TPH2: variants seen among roughly 807,000 people sequenced by gnomAD.
The protein encoded by TPH2 is tryptophan hydroxylase 2, also known as tryptophan 5-hydroxylase 2.
A neutral mutation model predicts 59.1 loss-of-function variants in TPH2; 27 were observed. That is an observed-to-expected ratio of 0.46 (90% CI 0.34 to 0.63). The LOEUF (loss-of-function observed/expected upper bound fraction) is 0.63. Among genes scored for constraint, TPH2 ranks in the 30% least tolerant of loss-of-function variants. The pLI, the probability that TPH2 is intolerant of heterozygous loss-of-function variation, is 0.01. For synonymous variants in TPH2, 220 were observed against 210.5 expected, an observed-to-expected ratio of 1.05 and a Z score of -0.39; for missense variants, 523 against 588.3, an observed-to-expected ratio of 0.89 and a Z score of 1.15.
intron 9 of TPH2, among the ~76,000 whole-genome samples, chr12:72,027,843 T>C (rs1007277671): frequency 6.6e-6 from 1 of 152,040 alleles, no homozygotes; most frequent in South Asian, 2.1e-4. Context: ...GAGGTAAAGG[T>C]GGTGTGAGTG....
At position 71,993,910 on chromosome 12, in the gene TPH2, T is replaced by C. The variant is rs569478953; in HGVS notation, c.942-529T>C. Among the ~76,000 whole-genome samples the C allele has an allele frequency of 3.3e-5, 5 of 152,322 alleles. No individual in the cohort carries two copies. In the East Asian group the frequency reaches 9.6e-4, roughly 29 times the overall value. On this transcript the variant is annotated intron_variant, in intron 7 of 10. Transcript: ENST00000333850. ...TTTCTGTAAAGGGCCAGCTAGTTAA[T>C]TATTTTAGCCCTATGATCTCAGTCA...
intron 6 of TPH2, among the ~76,000 whole-genome samples, chr12:71,975,339 T>C (rs1326878983): frequency 6.6e-6 from 1 of 152,148 alleles, no homozygotes; most frequent in Non-Finnish European, 1.5e-5. Flanking sequence ...AGTGGGACTC[T>C]GTCTCAAAAC....
intron 5 of TPH2, among the ~76,000 whole-genome samples, chr12:71,969,991 C>T (rs182938497): frequency 6.6e-6 from 1 of 152,282 alleles, no homozygotes; most frequent in Non-Finnish European, 1.5e-5. Flanking sequence ...ATGCCTGGCA[C>T]ATAGTAAGCT....
intron 5 of TPH2, among the ~76,000 whole-genome samples, chr12:71,968,207 C>T (rs1053998690): frequency 6.6e-6 from 1 of 152,224 alleles, no homozygotes; most frequent in Non-Finnish European, 1.5e-5. Flanking sequence ...ACCACTCCCT[C>T]ACCTCCACAG....
At position 71,942,918 on chromosome 12, in the gene TPH2, G is replaced by A. The variant is rs112351991; in HGVS notation, c.255+1185G>A. Among the ~76,000 whole-genome samples the A allele has an allele frequency of 6.3e-3, 954 of 152,292 alleles. 12 individuals carry two copies. Among genetic ancestry groups the A allele is most frequent in the Non-Finnish European group, 7.9e-3 (539 of 68,032 alleles). On this transcript the variant is annotated intron_variant, in intron 2 of 10. Coordinates refer to ENST00000333850, the MANE Select transcript of TPH2 (RefSeq NM_173353.4). Reference sequence around the variant, plus strand: ...GGCCAATTCAATTAGACAGCTGGGTGCAGTGGATAAATTCCTGGAGAAGGA... The same window carrying A: ...GGCCAATTCAATTAGACAGCTGGGTACAGTGGATAAATTCCTGGAGAAGGA...
chr12:71,964,714 C>T (rs984023970), intron 5 of TPH2: 122 of 985,198 alleles, frequency 1.2e-4, no homozygotes, highest in Non-Finnish European at 1.1e-4. Flanking sequence ...CCTGGTGTGA[C>T]ACCTCAGTTG....
At chr12:71,942,135 CTG>C (rs1453970352) in intron 2 of TPH2, among the ~76,000 whole-genome samples, 1 of 152,298 alleles carries the variant, frequency 6.6e-6, no homozygotes, top group East Asian at 1.9e-4. Flanking sequence ...TTATGAAAAA[CTG>C]AGATACATGA....
At chr12:71,999,795 C>T (rs10879350) in intron 8 of TPH2, among the ~76,000 whole-genome samples, 45,089 of 152,076 alleles carry the variant, frequency 0.3, 6,930 homozygotes, top group East Asian at 0.49. Context: ...TGAAACAGAA[C>T]TACAAGGCTC....
At chr12:71,943,226 A>G (rs1871120257) in intron 2 of TPH2, among the ~76,000 whole-genome samples, 1 of 152,204 alleles carries the variant, frequency 6.6e-6, no homozygotes, top group African/African-American at 2.4e-5. Context: ...CAGTTTCTTT[A>G]TATAGGAGAG....
intron 7 of TPH2, among the ~76,000 whole-genome samples, chr12:71,987,859 A>G (rs1002214023): frequency 3.9e-5 from 6 of 152,246 alleles, no homozygotes; most frequent in Non-Finnish European, 7.3e-5. Flanking sequence ...TCTCAATAAA[A>G]GAAAAAATAA....
intron 8 of TPH2, among the ~76,000 whole-genome samples, chr12:72,015,200 A>G (rs1371726269): frequency 6.6e-6 from 1 of 151,914 alleles, no homozygotes; most frequent in Non-Finnish European, 1.5e-5. Flanking sequence ...TTGTAAGTGT[A>G]TACATTGACA....
chr12:72,019,016 C>G (rs963490724), intron 8 of TPH2, among the ~76,000 whole-genome samples: 13 of 152,166 alleles, frequency 8.5e-5, no homozygotes, highest in Admixed American at 2.0e-4. Context: ...TACTTCCAAG[C>G]CTTTGTGCTT....
chr12:72,020,336 G>C (rs950546131), intron 8 of TPH2, among the ~76,000 whole-genome samples: 5 of 152,164 alleles, frequency 3.3e-5, no homozygotes, highest in African/African-American at 1.2e-4. Context: ...CTAGTGTTGG[G>C]GGATAGATGA....
In TPH2 at chr12:72,017,560, G is replaced by A. The variant is rs556069728; in HGVS notation, c.1069-4839G>A. Among the ~76,000 whole-genome samples the A allele has an allele frequency of 1.3e-3, 193 of 152,204 alleles. 2 individuals carry two copies. Among genetic ancestry groups the A allele is most frequent in the South Asian group, 0.012 (57 of 4,820 alleles). ...TGAAAGATACCCTTCAATTTGGGAGGTGTTAGTCTTAGTATTATTATTTGT... is the reference window on the plus strand; with the variant it reads ...TGAAAGATACCCTTCAATTTGGGAGATGTTAGTCTTAGTATTATTATTTGT... On this transcript the variant is annotated intron_variant, in intron 8 of 10. Transcript: ENST00000333850.
chr12:71,965,603 C>T (rs1262992502), intron 5 of TPH2: 1 of 152,088 alleles, frequency 6.6e-6, no homozygotes, highest in Non-Finnish European at 1.5e-5. Flanking sequence ...TGTTCATGTC[C>T]TTTGCTCACT....
intron 8 of TPH2, among the ~76,000 whole-genome samples, chr12:72,011,443 C>T (rs1432360710): frequency 6.6e-6 from 1 of 152,206 alleles, no homozygotes; most frequent in Non-Finnish European, 1.5e-5. Flanking sequence ...TAGCATCTCT[C>T]TGATCTTGTG....
rs780680096 is a variant in TPH2 at position 71,956,105 on chromosome 12, G to A, written c.608+6450G>A. 5.9e-5 allele frequency among the ~76,000 whole-genome samples: 9 copies of A among 152,196 alleles called. No individual in the cohort carries two copies. The South Asian group carries it at 8.3e-4, about 14-fold the overall frequency. Reference sequence around the variant, plus strand: ...ACTCATAGGGCTGTTTGCAGGAGGCGTCAGTGTTTAGCAACGTGGCCTCTC... The same window carrying A: ...ACTCATAGGGCTGTTTGCAGGAGGCATCAGTGTTTAGCAACGTGGCCTCTC... On this transcript the variant is annotated intron_variant, in intron 5 of 10. Coordinates refer to ENST00000333850, the MANE Select transcript of TPH2 (RefSeq NM_173353.4).
chr12:71,980,593 A>G (rs1872247368), intron 7 of TPH2, among the ~76,000 whole-genome samples: 1 of 152,152 alleles, frequency 6.6e-6, no homozygotes, highest in Non-Finnish European at 1.5e-5. Context: ...TGGAAAAGAA[A>G]TGCTTCTTTC....
intron 9 of TPH2, among the ~76,000 whole-genome samples, chr12:72,023,374 C>T (rs1315092806): frequency 6.6e-6 from 1 of 152,102 alleles, no homozygotes; most frequent in African/African-American, 2.4e-5. Context: ...TGGCCATTTG[C>T]ATTATTGAAA....
Sources: allele counts gnomAD v4.1 joint callset (sites outside exome capture counted in the v4.1 genomes callset), GRCh38; gene constraint gnomAD v4.1.1; transcripts MANE v1.5; gene names NCBI Gene and HGNC (gene_info 2026-07-23, HGNC 2026-07-21).